Variants in LYPD8 observed in about 807,000 individuals in gnomAD.
LYPD8 encodes ly6/PLAUR domain-containing protein 8.
A neutral mutation model predicts 1.7 loss-of-function variants in LYPD8; 8 were observed. The observed-to-expected ratio is 4.58, with a 90% CI of 2.69 to 8.27. The LOEUF (loss-of-function observed/expected upper bound fraction) is 8.27, where lower values mean the gene tolerates loss of function less well. Ranked by LOEUF, LYPD8 falls within the 30% of genes most tolerant of loss-of-function variation. The pLI is 0.00. For missense variants in LYPD8, 112 were observed against 102.3 expected (o/e 1.09, Z -0.41); for synonymous variants, 50 against 43.6 (o/e 1.15, Z -0.58).
intron 2 of LYPD8, among the ~76,000 whole-genome samples, chr1:248,753,329 TCACA>T (rs1482072316): frequency 6.4e-5 from 2 of 31,098 alleles, no homozygotes; most frequent in East Asian, 1.2e-3. Flanking sequence ...ACACAACACA[TCACA>T]CACACCACAC....
rs1662731915 is a variant in LYPD8, at chr1:248,746,618, CCGCACGGCCAGCACCCACCCAGGGCA to C, written c.338-1365_338-1340del. On this transcript the variant is annotated intron_variant, in intron 5 of 6. Transcript: ENST00000590317. ...GGCCAGCACCCACCCAGGGCATCCC[CCGCACGGCCAGCACCCACCCAGGGCA>C]TCGCCCGCACGGCCAGCACCCACCC... 4.4e-5 allele frequency among the ~76,000 whole-genome samples: 6 copies of C among 135,176 alleles called. No individual in the cohort carries two copies. The East Asian group carries it at 7.1e-4, about 16-fold the overall frequency. 88.7% of individuals were successfully genotyped at this position (135,176 alleles called of 152,430 possible).
At chr1:248,745,432 C>T (rs1166987559) in intron 5 of LYPD8, among the ~76,000 whole-genome samples, 153 bp from the exon 6 acceptor site, 2 of 152,172 alleles carry the variant, frequency 1.3e-5, no homozygotes, top group Admixed American at 1.3e-4. Flanking sequence ...CACCATGTCT[C>T]CTCAAAATAT....
rs1365152655 is a variant in LYPD8 at position 248,753,883 on chromosome 1, A to C, written c.-50+1356T>G. On this transcript the variant is annotated intron_variant, in intron 2 of 6. Transcript: ENST00000590317. ...ATACACCACACACCCCATGCATCAC[A>C]CACACACCACACATCACATGTCATA... Among the ~76,000 whole-genome samples the C allele has an allele frequency of 5.3e-5, 8 of 150,402 alleles. No homozygotes were observed. In the East Asian group the frequency reaches 1.6e-3, roughly 30 times the overall value.
intron 2 of LYPD8, among the ~76,000 whole-genome samples, chr1:248,754,808 G>A (rs953223987): frequency 1.1e-4 from 16 of 152,016 alleles, no homozygotes; most frequent in African/African-American, 3.1e-4. Context: ...GCAGACGTGC[G>A]CCAGCCCCTC....
intron 6 of LYPD8, among the ~76,000 whole-genome samples, chr1:248,744,573 G>T (rs1275351227): frequency 3.3e-5 from 5 of 151,910 alleles, no homozygotes; most frequent in Admixed American, 1.3e-4. Context: ...ACAATGGGTA[G>T]CGTCAAATGT....
chr1:248,754,467 T>C (rs1056703450), intron 2 of LYPD8, among the ~76,000 whole-genome samples: 4,058 of 144,598 alleles, frequency 0.028, 195 homozygotes, highest in African/African-American at 0.098. Flanking sequence ...ACACACACCA[T>C]ATCACACACA....
chr1:248,743,653 T>C (rs1379380961), intron 6 of LYPD8, among the ~76,000 whole-genome samples: 1 of 152,238 alleles, frequency 6.6e-6, no homozygotes, highest in Non-Finnish European at 1.5e-5. Context: ...AGCCACATTT[T>C]GGCAGAGCCT....
At chr1:248,743,167 G>C (rs971562252) in intron 6 of LYPD8, among the ~76,000 whole-genome samples, 1 of 152,100 alleles carries the variant, frequency 6.6e-6, no homozygotes, top group Non-Finnish European at 1.5e-5. Flanking sequence ...AAAAAAAACA[G>C]TATAAAGAGG....
chr1:248,739,894 T>C lies in LYPD8; in HGVS notation c.476-45A>G, dbSNP rs1553283123. 1 of 1,548,858 alleles carries C rather than the reference T, an allele frequency of 6.5e-7. No homozygotes were observed. Among genetic ancestry groups the C allele is most frequent in the South Asian group, 1.2e-5 (1 of 83,986 alleles). Reference sequence around the variant, plus strand: ...AGGAGGGACGCCACTCAGTCCTTTGTCCTTCCACCCACGCCTGCTCTTAGT... The same window carrying C: ...AGGAGGGACGCCACTCAGTCCTTTGCCCTTCCACCCACGCCTGCTCTTAGT... On this transcript the variant is annotated intron_variant, in intron 6 of 6. Coordinates refer to ENST00000590317, the MANE Select transcript of LYPD8 (RefSeq NM_001085474.2). The surrounding 1 kb of genome is among the most constrained non-coding windows in gnomAD (Gnocchi z 4.3).
intron 5 of LYPD8, among the ~76,000 whole-genome samples, chr1:248,746,567 G>C (rs992515870): frequency 6.6e-6 from 1 of 150,388 alleles, no homozygotes; most frequent in Non-Finnish European, 1.5e-5. Flanking sequence ...ATGGCCAGCA[G>C]CACCCACCCA....
At chr1:248,753,258 C>CA (rs1662856798) in intron 2 of LYPD8, among the ~76,000 whole-genome samples, 4 of 90,416 alleles carry the variant, frequency 4.4e-5, no homozygotes, top group African/African-American at 1.5e-4. Flanking sequence ...ACAACACACA[C>CA]CGCATCACAC....
chr1:248,739,814 A>T lies in LYPD8; in HGVS notation c.511T>A (p.Ser171Thr), dbSNP rs1662555238. Residue 171 changes from serine (S) to threonine (T), a missense_variant, in exon 7 of 7, where the codon TCC (serine) becomes ACC (threonine). By Grantham distance (58) the Ser-to-Thr change is moderately conservative. Coordinates refer to ENST00000590317, the MANE Select transcript of LYPD8 (RefSeq NM_001085474.2). The surrounding 1 kb of genome is among the most constrained non-coding windows in gnomAD (Gnocchi z 4.3). Reference protein sequence around the residue: ...ESKSLVLKGCSNVSNATCQFL... With the variant: ...ESKSLVLKGCTNVSNATCQFL... ...TGACAGGTGGCGTTACTGACGTTGGAACAGCCTTTCAGCACGAGACTCTTA... is the reference window on the plus strand; with the variant it reads ...TGACAGGTGGCGTTACTGACGTTGGTACAGCCTTTCAGCACGAGACTCTTA... The T allele has an allele frequency of 6.4e-7, 1 of 1,551,630 alleles. No homozygotes were observed. Among genetic ancestry groups the T allele is most frequent in the Admixed American group, 2.0e-5 (1 of 50,988 alleles).
intron 2 of LYPD8, among the ~76,000 whole-genome samples, chr1:248,752,704 A>C: frequency 8.5e-6 from 1 of 117,192 alleles, no homozygotes; most frequent in East Asian, 2.7e-4. Flanking sequence ...CAACACACAC[A>C]CACCACACTC....
intron 2 of LYPD8, among the ~76,000 whole-genome samples, chr1:248,752,160 T>C (rs1662810545): frequency 6.6e-6 from 1 of 152,080 alleles, no homozygotes; most frequent in Non-Finnish European, 1.5e-5. Flanking sequence ...TCAGTAGCAC[T>C]GGCTACATTC....
intron 2 of LYPD8, among the ~76,000 whole-genome samples, chr1:248,754,164 TCA>T (rs1397122620): frequency 7.2e-6 from 1 of 137,936 alleles, no homozygotes; most frequent in East Asian, 2.4e-4. Flanking sequence ...ACATCACATG[TCA>T]CACACATTAG....
At chr1:248,745,471 C>T (rs973313065) in intron 5 of LYPD8, among the ~76,000 whole-genome samples, 192 bp from the exon 6 acceptor site, 1 of 152,314 alleles carries the variant, frequency 6.6e-6, no homozygotes, top group African/African-American at 2.4e-5. Flanking sequence ...CAGATCTGCT[C>T]TAACAGACTA....
At chr1:248,742,740 C>G (rs1662633736) in intron 6 of LYPD8, among the ~76,000 whole-genome samples, 2 of 80,346 alleles carry the variant, frequency 2.5e-5, no homozygotes, top group Non-Finnish European at 4.5e-5. Flanking sequence ...ATGTTGGCAG[C>G]CGGGGAGATT....
chr1:248,749,145 G>C (rs955760018), intron 4 of LYPD8, among the ~76,000 whole-genome samples: 1 of 152,086 alleles, frequency 6.6e-6, no homozygotes, highest in East Asian at 1.9e-4. Context: ...CTAGAATATG[G>C]GACAGCTACA....
At chr1:248,752,670 A>T (rs1392949328) in intron 2 of LYPD8, among the ~76,000 whole-genome samples, 142 of 114,288 alleles carry the variant, frequency 1.2e-3, no homozygotes, top group African/African-American at 4.5e-3. Flanking sequence ...CACACACACC[A>T]CACCACACAC....
Sources: allele counts gnomAD v4.1 joint callset (sites outside exome capture counted in the v4.1 genomes callset), GRCh38; gene constraint gnomAD v4.1.1; non-coding constraint Gnocchi (gnomAD v3.1); transcripts MANE v1.5; gene names NCBI Gene and HGNC (gene_info 2026-07-23, HGNC 2026-07-21).